The following DEFB108B variants were observed in gnomAD, a reference collection of about 807,000 sequenced individuals.
DEFB108B encodes the protein defensin beta 108B.
DEFB108B carries 3 observed loss-of-function variants against 2.4 expected under a neutral mutation model. The observed-to-expected ratio is 1.25, with a 90% CI of 0.57 to 3.24. The LOEUF (loss-of-function observed/expected upper bound fraction) is 3.24, where lower values mean the gene tolerates loss of function less well. Ranked by LOEUF, DEFB108B falls within the 30% of genes most tolerant of loss-of-function variation. DEFB108B has a pLI of 0.03. For synonymous variants in DEFB108B, 25 were observed against 28.7 expected (o/e 0.87, Z 0.41); for missense variants, 101 against 87.8 (o/e 1.15, Z -0.60).
chr11:71,835,922 T>A (rs1952213525), intron 1 of DEFB108B, among the ~76,000 whole-genome samples: 2 of 152,196 alleles, frequency 1.3e-5, no homozygotes, highest in African/African-American at 4.8e-5. Context: ...TGAGGTCAGA[T>A]GAGAAAACAC....
intron 1 of DEFB108B, among the ~76,000 whole-genome samples, chr11:71,835,069 T>A (rs1565107304): frequency 6.6e-6 from 1 of 152,048 alleles, no homozygotes; most frequent in Admixed American, 6.6e-5. Flanking sequence ...TAAAAAGCCC[T>A]TTGTAATTTC....
At chr11:71,837,316 G>T (rs1247127979) in intron 1 of DEFB108B, 83 bp from the exon 2 acceptor site, 1 of 1,508,136 alleles carries the variant, frequency 6.6e-7, no homozygotes. Context: ...TTATTTTCAA[G>T]CACTGCCCCC....
chr11:71,834,581 G>A (rs1376342438), intron 1 of DEFB108B: 2 of 152,196 alleles, frequency 1.3e-5, no homozygotes, highest in East Asian at 3.8e-4. Context: ...GATGCAACAA[G>A]ACTGGAGAAG....
Position 71,833,272 on chromosome 11 carries a change from T to C in DEFB108B, c.58+15T>C. 6.5e-7 allele frequency: 1 copy of C among 1,541,024 alleles called. No individual in the cohort carries two copies. Among genetic ancestry groups the C allele is most frequent in the Middle Eastern group, 2.3e-4 (1 of 4,290 alleles). ...AGTTCTACCAGGTAACAAAATAAAC[T>C]TGGTAAGAGTAGAGTGCCTAACACC... On this transcript the variant is annotated intron_variant, in intron 1 of 1. Coordinates refer to ENST00000328698, the MANE Select transcript of DEFB108B (RefSeq NM_001002035.2).
At position 71,837,461 on chromosome 11, in the gene DEFB108B, G is replaced by T. The variant is rs1357165141; in HGVS notation, c.121G>T (p.Glu41Ter). 3 of 1,612,008 alleles carry T rather than the reference G, an allele frequency of 1.9e-6. No individual in the cohort carries two copies. Among genetic ancestry groups the T allele is most frequent in the Non-Finnish European group, 2.5e-6 (3 of 1,179,858 alleles). The change falls in exon 2 of 2, where the codon GAA (glutamate) becomes TAA (stop). Residue 41 changes from glutamate to a stop codon, truncating the protein, a stop_gained. Transcript: ENST00000328698. LOFTEE classifies it low-confidence loss of function (END_TRUNC). ...TGGCTCCTGTCGGGACTTTTGCCTT[G>T]AAACAGAAATCCATGTTGGGAGATG... is the stretch of plus-strand genomic sequence containing the variant. The part of the protein sequence containing the change: ...PNGSCRDFCL[E>*]TEIHVGRCLN...
chr11:71,835,128 G>A (rs533075702), intron 1 of DEFB108B, among the ~76,000 whole-genome samples: 52 of 152,172 alleles, frequency 3.4e-4, no homozygotes, highest in Admixed American at 1.2e-3. Context: ...GGGAGTGCAT[G>A]TGCAGATTTG....
At chr11:71,834,096 C>T (rs1465326875) in intron 1 of DEFB108B, among the ~76,000 whole-genome samples, 1 of 152,158 alleles carries the variant, frequency 6.6e-6, no homozygotes, top group Non-Finnish European at 1.5e-5. Flanking sequence ...GCCCTGGAAA[C>T]TGAAGTGCTT....
rs1041960827 is a variant in DEFB108B, at chr11:71,836,958, GTGTGTC to G, written c.59-435_59-430del. On this transcript the variant is annotated intron_variant, in intron 1 of 1. Coordinates refer to ENST00000328698, the MANE Select transcript of DEFB108B (RefSeq NM_001002035.2). ...AGAGTGTGTGTTTGTGTGTGTGTGT[GTGTGTC>G]TGTGTGTGTAGAAATAAAAAGAGAT... 2.2e-3 allele frequency: 264 copies of G among 120,192 alleles called. 2 individuals carry two copies. The highest frequency in any genetic ancestry group is 0.012 in the East Asian group (58 of 4,980). The allele number at this position is 120,192 out of a possible 1,614,324, so 7.4% of individuals were successfully genotyped here.
intron 1 of DEFB108B, among the ~76,000 whole-genome samples, chr11:71,835,200 G>T (rs1812733562): frequency 1.3e-5 from 2 of 152,170 alleles, no homozygotes; most frequent in African/African-American, 4.8e-5. Flanking sequence ...CACGCAGGTA[G>T]GGTGTACCTA....
chr11:71,834,935 G>T (rs1029961334), intron 1 of DEFB108B: 2 of 152,136 alleles, frequency 1.3e-5, no homozygotes, highest in African/African-American at 4.8e-5. Context: ...AGCTGGAAAA[G>T]ACATAGTGTC....
Position 71,837,382 on chromosome 11 carries a change from C to T in DEFB108B, c.59-17C>T, listed in dbSNP as rs766820225. Reference sequence around the variant, plus strand: ...AAAGACTGGTGAATGGTTACAATAACCCTCTTCTTCATGTAGCCAGGGGCA... The same window carrying T: ...AAAGACTGGTGAATGGTTACAATAATCCTCTTCTTCATGTAGCCAGGGGCA... On this transcript the variant is annotated splice_polypyrimidine_tract_variant and intron_variant, in intron 1 of 1. Transcript: ENST00000328698. 1 of 1,611,378 alleles carries T rather than the reference C, an allele frequency of 6.2e-7. No homozygotes were observed.
chr11:71,835,430 T>A (rs1022578014), intron 1 of DEFB108B, among the ~76,000 whole-genome samples: 2 of 152,238 alleles, frequency 1.3e-5, no homozygotes, highest in African/African-American at 2.4e-5. Context: ...GTTCTTTTTA[T>A]GGCTGCATAG....
intron 1 of DEFB108B, among the ~76,000 whole-genome samples, chr11:71,833,752 C>A (rs1027110195): frequency 2.6e-5 from 4 of 152,168 alleles, no homozygotes; most frequent in African/African-American, 9.7e-5. Context: ...CTTGACTTTT[C>A]CCCTTAAGGC....
intron 1 of DEFB108B, among the ~76,000 whole-genome samples, chr11:71,833,528 A>G (rs1952194172): frequency 6.6e-6 from 1 of 152,194 alleles, no homozygotes; most frequent in Non-Finnish European, 1.5e-5. Flanking sequence ...ATCAAAAATT[A>G]AAAATCAGGC....
chr11:71,834,025 C>G (rs559402579), intron 1 of DEFB108B, among the ~76,000 whole-genome samples: 39 of 152,240 alleles, frequency 2.6e-4, no homozygotes, highest in African/African-American at 9.2e-4. Flanking sequence ...CATGTGTATT[C>G]AAGGATGAAT....
chr11:71,835,393 C>T (rs1952210101), intron 1 of DEFB108B, among the ~76,000 whole-genome samples: 1 of 152,142 alleles, frequency 6.6e-6, no homozygotes, highest in African/African-American at 2.4e-5. Flanking sequence ...CCAGCTGCAT[C>T]CATGTTACTG....
intron 1 of DEFB108B, among the ~76,000 whole-genome samples, chr11:71,835,806 T>C (rs964678590): frequency 8.5e-5 from 13 of 152,292 alleles, no homozygotes; most frequent in African/African-American, 2.4e-4. Flanking sequence ...CCACAATCAT[T>C]TACTGAATAG....
At chr11:71,835,258 G>A (rs545769741) in intron 1 of DEFB108B, among the ~76,000 whole-genome samples, 1 of 152,200 alleles carries the variant, frequency 6.6e-6, no homozygotes, top group African/African-American at 2.4e-5. Context: ...CTCCTGGTAA[G>A]TCCCAATCTC....
At chr11:71,837,227 T>A (rs1442092656) in intron 1 of DEFB108B, 172 bp from the exon 2 acceptor site, 1 of 889,256 alleles carries the variant, frequency 1.1e-6, no homozygotes, top group African/African-American at 1.7e-5. Context: ...ATCCAAATCT[T>A]TGTGTGACAG....
Sources: gnomAD v4.1 joint callset for allele counts (sites outside exome capture counted in the v4.1 genomes callset) on GRCh38, gnomAD v4.1.1 for gene constraint, MANE v1.5 for transcripts, NCBI Gene and HGNC (gene_info 2026-07-23, HGNC 2026-07-21) for gene names.